Variants in SYNE3 observed in about 807,000 individuals in gnomAD.
SYNE3 encodes the protein spectrin repeat containing nuclear envelope family member 3, also known as nesprin-3.
A neutral mutation model predicts 111.2 loss-of-function variants in SYNE3; 100 were observed. The ratio of observed to expected loss-of-function variants is 0.90; its 90% CI spans 0.77 to 1.06. SYNE3 has a LOEUF of 1.06. Among genes scored for constraint, SYNE3 ranks in the 50% least tolerant of loss-of-function variants. The pLI is 0.00. For missense variants in SYNE3, 1,160 were observed against 1,240.3 expected, an observed-to-expected ratio of 0.94 and a Z score of 0.97; for synonymous variants, 547 against 533.9, an observed-to-expected ratio of 1.02 and a Z score of -0.34.
Position 95,418,536 on chromosome 14 carries a change from T to G in SYNE3, c.2728-510A>C, listed in dbSNP as rs146938206. On this transcript the variant is annotated intron_variant, in intron 17 of 17. Transcript: ENST00000682763. Reference sequence around the variant, plus strand: ...ATCATCACCAGCATCAAATTTATCATCGTCACTTTCTTCCTCCTCTTGTCT... The same window carrying G: ...ATCATCACCAGCATCAAATTTATCAGCGTCACTTTCTTCCTCCTCTTGTCT... Among the ~76,000 whole-genome samples, 245 of 152,314 alleles carry G rather than the reference T, an allele frequency of 1.6e-3. 3 individuals are homozygous for G. Among genetic ancestry groups the G allele is most frequent in the African/African-American group, 5.3e-3 (220 of 41,570 alleles).
At chr14:95,437,232 T>A (rs1157086805) in intron 14 of SYNE3, among the ~76,000 whole-genome samples, 1 of 152,252 alleles carries the variant, frequency 6.6e-6, no homozygotes, top group Non-Finnish European at 1.5e-5. Flanking sequence ...CTTACCAGGA[T>A]GGCTATACAA....
At chr14:95,458,661 A>C (rs1887608805) in intron 4 of SYNE3, among the ~76,000 whole-genome samples, 1 of 152,186 alleles carries the variant, frequency 6.6e-6, no homozygotes, top group Admixed American at 6.5e-5. Context: ...CAACTTCATC[A>C]CAGCAGTTGT....
In SYNE3 at chr14:95,455,563, C is replaced by T. The variant is rs775076107; in HGVS notation, c.951G>A (p.Glu317=). 1 of 1,614,154 alleles carries T rather than the reference C, an allele frequency of 6.2e-7. No individual in the cohort carries two copies. Among genetic ancestry groups the T allele is most frequent in the South Asian group, 1.1e-5 (1 of 91,080 alleles). ...KVLEKLRALW[E]EEEERLRGLL... ...GGCCCCGCAGCCGCTCCTCCTCCTC[C>T]TCCCAGAGGGCGCGCAGCTTCTCCA... The change falls in exon 6 of 18, where the codon GAG becomes GAA. Residue 317 remains glutamate (E), a synonymous_variant. Transcript: ENST00000682763.
intron 17 of SYNE3, among the ~76,000 whole-genome samples, chr14:95,421,382 A>G (rs1467935755): frequency 3.3e-5 from 5 of 152,162 alleles, no homozygotes; most frequent in African/African-American, 9.7e-5. Flanking sequence ...GCTAGAGTTC[A>G]TCACAGTCCA....
rs994160095 is a variant in SYNE3 at position 95,455,490 on chromosome 14, C to T, written c.1024G>A (p.Ala342Thr). The T allele has an allele frequency of 6.2e-7, 1 of 1,613,748 alleles. No homozygotes were observed. Among genetic ancestry groups the T allele is most frequent in the East Asian group, 2.2e-5 (1 of 44,884 alleles). ...ACCATCCTGAACTCACTGAGCTCAG[C>T]CTCCAGCTGCTTAATCTGCTGCTCC... Reference protein sequence around the residue: ...AWEQQIKQLEAELSEFRMVLQ... With the variant: ...AWEQQIKQLETELSEFRMVLQ... Residue 342 changes from alanine to threonine, a missense_variant, in exon 6 of 18, where the codon GCT (alanine) becomes ACT (threonine). Transcript: ENST00000682763.
chr14:95,463,620 G>A (rs541694412), intron 4 of SYNE3, among the ~76,000 whole-genome samples: 38 of 152,374 alleles, frequency 2.5e-4, no homozygotes, highest in African/African-American at 7.2e-4. Flanking sequence ...TTGCCATGAA[G>A]CCTGCCCATG....
chr14:95,444,527 C>T lies in SYNE3; in HGVS notation c.1734G>A (p.Gln578=). 1 of 1,613,556 alleles carries T rather than the reference C, an allele frequency of 6.2e-7. No individual in the cohort carries two copies. Among genetic ancestry groups the T allele is most frequent in the Non-Finnish European group, 8.5e-7 (1 of 1,179,654 alleles). The part of the protein sequence containing the change: ...QVRVQAEKGL[Q]RDLPGKQAQL... ...GGGCCTGTTTTCCAGGAAGGTCCCG[C>T]TGAAGCCCCTTCTCGGCTTGGACCC... The change falls in exon 10 of 18, where the codon CAG becomes CAA. Residue 578 remains glutamine, a synonymous_variant. Coordinates refer to ENST00000682763, the MANE Select transcript of SYNE3 (RefSeq NM_152592.6).
At chr14:95,432,183 C>T in intron 16 of SYNE3, 66 bp from the exon 17 acceptor site, 4 of 1,522,164 alleles carry the variant, frequency 2.6e-6, no homozygotes, top group Non-Finnish European at 3.6e-6. Context: ...AAACTTAAAT[C>T]CCAACAGAGC....
chr14:95,506,037 C>T (rs1411015025), intron 1 of SYNE3, among the ~76,000 whole-genome samples: 1 of 151,884 alleles, frequency 6.6e-6, no homozygotes, highest in Admixed American at 6.6e-5. Context: ...ATGAGAAGGC[C>T]ATATAATCAG....
Position 95,476,036 on chromosome 14 carries a change from A to C in SYNE3, c.-14-201T>G, listed in dbSNP as rs558455841. ...ATGAAAACAGGTCTGGCCTCTGGGA[A>C]AACTGGCCTAGGGCTCTGGCCTGGC... On this transcript the variant is annotated intron_variant, in intron 1 of 17. Coordinates refer to ENST00000682763, the MANE Select transcript of SYNE3 (RefSeq NM_152592.6). Among the ~76,000 whole-genome samples, 69 of 152,342 alleles carry C rather than the reference A, an allele frequency of 4.5e-4. No individual in the cohort carries two copies. In the South Asian group the frequency reaches 8.3e-3, roughly 18 times the overall value.
intron 17 of SYNE3, among the ~76,000 whole-genome samples, chr14:95,419,998 A>G (rs1219526624): frequency 1.1e-4 from 3 of 28,146 alleles, no homozygotes; most frequent in Non-Finnish European, 2.3e-4. Flanking sequence ...CTGTCTCTCT[A>G]CCTCTCCTCT....
Position 95,467,760 on chromosome 14 carries a change from A to G in SYNE3, c.317+35T>C, listed in dbSNP as rs748794394. On this transcript the variant is annotated intron_variant, in intron 3 of 17. Transcript: ENST00000682763. Reference sequence around the variant, plus strand: ...GTGTCACAGTGGGCAAGGAGGGTAAATGGCAGCTGTGGACAAAGGCCCTGG... The same window carrying G: ...GTGTCACAGTGGGCAAGGAGGGTAAGTGGCAGCTGTGGACAAAGGCCCTGG... 8 of 1,612,418 alleles carry G rather than the reference A, an allele frequency of 5.0e-6. No homozygotes were observed. In the African/African-American group the frequency reaches 9.3e-5, roughly 19 times the overall value.
chr14:95,429,073 G>A (rs568531744), intron 17 of SYNE3, among the ~76,000 whole-genome samples: 1 of 152,344 alleles, frequency 6.6e-6, no homozygotes, highest in African/African-American at 2.4e-5. Context: ...GCATGCGTGC[G>A]CATAACCACA....
At chr14:95,467,704 G>A (rs1595227223) in intron 3 of SYNE3, 91 bp downstream of exon 3, 5 of 1,483,714 alleles carry the variant, frequency 3.4e-6, no homozygotes, top group Non-Finnish European at 4.6e-6. Context: ...CAGGACTGGA[G>A]AAATGTCTCT....
rs138967128 is a variant in SYNE3, at chr14:95,475,502, A to G, written c.144+176T>C. 7.9e-4 allele frequency among the ~76,000 whole-genome samples: 120 copies of G among 152,168 alleles called. 2 individuals are homozygous for G. The highest frequency in any genetic ancestry group is 2.3e-3 in the African/African-American group (96 of 41,508). ...CAAAGTCTCGGACTTCACCTCCATG[A>G]CCCGATCAGAGTCTACACTTAAACA... is the stretch of plus-strand genomic sequence containing the variant. On this transcript the variant is annotated intron_variant, in intron 2 of 17. Coordinates refer to ENST00000682763, the MANE Select transcript of SYNE3 (RefSeq NM_152592.6).
At chr14:95,439,863 GC>G in intron 12 of SYNE3, 50 bp downstream of exon 12, 2 of 1,593,714 alleles carry the variant, frequency 1.3e-6, no homozygotes, top group Non-Finnish European at 8.6e-7. Context: ...GGGAACGTTG[GC>G]CTGTCAAGGC....
Position 95,412,553 on chromosome 14 carries a change from G to C in SYNE3, c.*5273C>G, listed in dbSNP as rs1259990076. On this transcript the variant is annotated 3_prime_UTR_variant, in exon 18 of 18. Transcript: ENST00000682763. ...AGGGGAGAGAAAGCCGCAGACCCCGGACAGCATCCGAATGGCCAGTGGGAA... is the reference window on the plus strand; with the variant it reads ...AGGGGAGAGAAAGCCGCAGACCCCGCACAGCATCCGAATGGCCAGTGGGAA... 1.3e-5 allele frequency: 2 copies of C among 152,260 alleles called. No individual in the cohort carries two copies. The highest frequency in any genetic ancestry group is 1.3e-4 in the Admixed American group (2 of 15,282). The allele number at this position is 152,260 out of a possible 1,614,324, so 9.4% of individuals were successfully genotyped here.
At chr14:95,461,806 G>T (rs1039916062) in intron 4 of SYNE3, among the ~76,000 whole-genome samples, 1 of 152,246 alleles carries the variant, frequency 6.6e-6, no homozygotes, top group Non-Finnish European at 1.5e-5. Flanking sequence ...TGCAGGGGAG[G>T]TCTTCATCAA....
intron 2 of SYNE3, among the ~76,000 whole-genome samples, chr14:95,471,715 C>A (rs183920704): frequency 3.3e-5 from 5 of 152,352 alleles, no homozygotes; most frequent in East Asian, 3.9e-4. Context: ...CCATCACCAG[C>A]AAGGACACAG....
Sources: gnomAD v4.1 joint callset for allele counts (sites outside exome capture counted in the v4.1 genomes callset) on GRCh38, gnomAD v4.1.1 for gene constraint, MANE v1.5 for transcripts, NCBI Gene and HGNC (gene_info 2026-07-23, HGNC 2026-07-21) for gene names.